KIRREL3: variants seen among roughly 807,000 people sequenced by gnomAD.
KIRREL3 encodes kin of IRRE-like protein 3.
KIRREL3 carries 36 observed loss-of-function variants against 89.7 expected under a neutral mutation model. That is an observed-to-expected ratio of 0.40 (90% CI 0.31 to 0.53). KIRREL3 has a LOEUF of 0.53. KIRREL3 is among the 20% of genes least tolerant of loss of function. KIRREL3 has a pLI of 0.49. For synonymous variants in KIRREL3, 445 were observed against 441.4 expected (o/e 1.01, Z -0.10); for missense variants, 864 against 1,056.6 (o/e 0.82, Z 2.53).
chr11:126,547,703 G>A (rs561724564), intron 2 of KIRREL3, among the ~76,000 whole-genome samples: 2 of 152,312 alleles, frequency 1.3e-5, no homozygotes, highest in East Asian at 1.9e-4. Flanking sequence ...GGCGGAGTGG[G>A]GGGTCTGTGG....
intron 1 of KIRREL3, among the ~76,000 whole-genome samples, chr11:126,593,010 G>A (rs1015844683): frequency 1.3e-5 from 2 of 152,186 alleles, no homozygotes; most frequent in Non-Finnish European, 2.9e-5. Context: ...CACGTTAGGA[G>A]GCTTGCACAA....
chr11:126,851,023 C>T (rs1944322629), intron 1 of KIRREL3, among the ~76,000 whole-genome samples: 1 of 152,220 alleles, frequency 6.6e-6, no homozygotes, highest in Non-Finnish European at 1.5e-5. Context: ...TTAATATGGT[C>T]AGCCCACCTG....
Position 126,991,155 on chromosome 11 carries a change from G to A in KIRREL3, c.55+9300C>T, listed in dbSNP as rs1163769017. Among the ~76,000 whole-genome samples, 2 of 152,182 alleles carry A rather than the reference G, an allele frequency of 1.3e-5. No individual in the cohort carries two copies. Among genetic ancestry groups the A allele is most frequent in the Non-Finnish European group, 2.9e-5 (2 of 68,042 alleles). ...CTTGGCAGAGGCTGTTTCTCTTGGC[G>A]TTGTCTCTGGTGACCCAAAGGGCAT... On this transcript the variant is annotated intron_variant, in intron 1 of 16. Transcript: ENST00000525144. This position sits in a 1 kb window ranked among gnomAD's most constrained non-coding sequence, Gnocchi z 5.8.
rs571002414 is a variant in KIRREL3, at chr11:126,771,653, A to G, written c.56-208741T>C. ...CCAGTGCTCCTCCTGATCTCTATCC[A>G]TGGGCAGTTAATAAATATTTGCTGA... On this transcript the variant is annotated intron_variant, in intron 1 of 16. Transcript: ENST00000525144. This position sits in a 1 kb window ranked among gnomAD's most constrained non-coding sequence, Gnocchi z 4.4. 2.0e-5 allele frequency among the ~76,000 whole-genome samples: 3 copies of G among 152,336 alleles called. No individual in the cohort carries two copies. In the East Asian group the frequency reaches 5.8e-4, roughly 29 times the overall value.
At chr11:126,500,797 A>G (rs1177631770) in intron 4 of KIRREL3, among the ~76,000 whole-genome samples, 1 of 151,914 alleles carries the variant, frequency 6.6e-6, no homozygotes, top group Non-Finnish European at 1.5e-5. Flanking sequence ...CTGCATTCTT[A>G]TTTTTTTCAG....
chr11:126,538,735 G>C (rs1938119673), intron 2 of KIRREL3, among the ~76,000 whole-genome samples: 1 of 152,168 alleles, frequency 6.6e-6, no homozygotes, highest in Non-Finnish European at 1.5e-5. Context: ...TGGTGCCTCA[G>C]GCATGAGCAG....
At chr11:126,809,377 G>A (rs1951308081) in intron 1 of KIRREL3, among the ~76,000 whole-genome samples, 1 of 152,170 alleles carries the variant, frequency 6.6e-6, no homozygotes, top group South Asian at 2.1e-4. Context: ...TAAGTACAAT[G>A]TATGTTGGGT....
Position 126,677,136 on chromosome 11 carries a change from C to T in KIRREL3, c.56-114224G>A, listed in dbSNP as rs886827083. Among the ~76,000 whole-genome samples the T allele has an allele frequency of 1.8e-4, 28 of 151,850 alleles. No homozygotes were observed. The highest frequency in any genetic ancestry group is 1.8e-3 in the Admixed American group (27 of 15,250). On this transcript the variant is annotated intron_variant, in intron 1 of 16. Coordinates refer to ENST00000525144, the MANE Select transcript of KIRREL3 (RefSeq NM_032531.4). This position sits in a 1 kb window ranked among gnomAD's most constrained non-coding sequence, Gnocchi z 5.1. The stretch of plus-strand genomic sequence containing the variant: ...ACAATTCAGTGATTTTTAATATATT[C>T]GCAGATTTGCACAACCACCACCACA...
rs1294483299 is a variant in KIRREL3 at position 126,754,385 on chromosome 11, CTA to C, written c.56-191475_56-191474del. ...ACGTACCTCTCTAACTTTACACTCT[CTA>C]TATGTCTGTCTCTGGTCTTCAATTC... On this transcript the variant is annotated intron_variant, in intron 1 of 16. Transcript: ENST00000525144. This position sits in a 1 kb window ranked among gnomAD's most constrained non-coding sequence, Gnocchi z 5.1. Among the ~76,000 whole-genome samples the C allele has an allele frequency of 2.6e-5, 4 of 152,212 alleles. No individual in the cohort carries two copies. Among genetic ancestry groups the C allele is most frequent in the Non-Finnish European group, 5.9e-5 (4 of 68,042 alleles).
Position 126,484,629 on chromosome 11 carries a change from TG to T in KIRREL3, c.434-11164del, listed in dbSNP as rs1227521843. On this transcript the variant is annotated intron_variant, in intron 4 of 16. Coordinates refer to ENST00000525144, the MANE Select transcript of KIRREL3 (RefSeq NM_032531.4). The surrounding 1 kb of genome is among the most constrained non-coding windows in gnomAD (Gnocchi z 5.2). The stretch of plus-strand genomic sequence containing the variant: ...TTTCAGATAAATTAAAAAATGGTAG[TG>T]TAAGTATGTTTATCTGAAATTCACA... 1.2e-4 allele frequency among the ~76,000 whole-genome samples: 18 copies of T among 152,124 alleles called. No individual in the cohort carries two copies. Among genetic ancestry groups the T allele is most frequent in the African/African-American group, 4.3e-4 (18 of 41,412 alleles).
intron 1 of KIRREL3, among the ~76,000 whole-genome samples, chr11:126,781,820 G>A (rs1210512370): frequency 1.3e-5 from 2 of 152,124 alleles, no homozygotes; most frequent in African/African-American, 4.8e-5. Flanking sequence ...TAAAAAAATT[G>A]AATATCATCA....
At position 126,475,979 on chromosome 11, in the gene KIRREL3, C is replaced by A. The variant is rs75950655; in HGVS notation, c.434-2513G>T. On this transcript the variant is annotated intron_variant, in intron 4 of 16. Transcript: ENST00000525144. This position sits in a 1 kb window ranked among gnomAD's most constrained non-coding sequence, Gnocchi z 7.5. ...GCCTGGAAAAAGAGCCACGTGGAGC[C>A]CTGGGGACAGCCTGGATACCTGGGG... 1.4e-3 allele frequency among the ~76,000 whole-genome samples: 215 copies of A among 152,284 alleles called. 3 individuals carry two copies. The highest frequency in any genetic ancestry group is 5.1e-3 in the African/African-American group (210 of 41,558).
At chr11:126,919,288 G>T (rs899232925) in intron 1 of KIRREL3, among the ~76,000 whole-genome samples, 6 of 152,078 alleles carry the variant, frequency 3.9e-5, no homozygotes, top group African/African-American at 7.2e-5. Flanking sequence ...AGCAAGCTGG[G>T]CCCCTTGGTT....
chr11:126,572,128 G>A (rs1253931897), intron 1 of KIRREL3, among the ~76,000 whole-genome samples: 1 of 152,180 alleles, frequency 6.6e-6, no homozygotes, highest in African/African-American at 2.4e-5. Flanking sequence ...GGGAGGCCAG[G>A]CAGGAAAAGG....
rs141602016 is a variant in KIRREL3 at position 126,762,310 on chromosome 11, A to C, written c.56-199398T>G. On this transcript the variant is annotated intron_variant, in intron 1 of 16. Transcript: ENST00000525144. Reference sequence around the variant, plus strand: ...TCTGAGGCAAGACCAATTGACTACAAAACCAGGTCAGGTTAGGTACCCAAG... The same window carrying C: ...TCTGAGGCAAGACCAATTGACTACACAACCAGGTCAGGTTAGGTACCCAAG... Among the ~76,000 whole-genome samples the C allele has an allele frequency of 1.5e-3, 222 of 152,284 alleles. 2 individuals are homozygous for C. The highest frequency in any genetic ancestry group is 5.1e-3 in the African/African-American group (211 of 41,554).
chr11:126,714,114 C>T lies in KIRREL3; in HGVS notation c.56-151202G>A, dbSNP rs1289818332. Among the ~76,000 whole-genome samples the T allele has an allele frequency of 3.9e-5, 6 of 152,138 alleles. No individual in the cohort carries two copies. The East Asian group carries it at 7.7e-4, about 20-fold the overall frequency. On this transcript the variant is annotated intron_variant, in intron 1 of 16. Coordinates refer to ENST00000525144, the MANE Select transcript of KIRREL3 (RefSeq NM_032531.4). The stretch of plus-strand genomic sequence containing the variant: ...TGCAATACTGAAGAAGACCCTCACT[C>T]CCAGGCTGGTGCACAAGCCACAGCC...
intron 1 of KIRREL3, among the ~76,000 whole-genome samples, chr11:126,958,895 C>T (rs1183059442): frequency 6.6e-6 from 1 of 152,158 alleles, no homozygotes; most frequent in Non-Finnish European, 1.5e-5. Context: ...TATTTGGTCA[C>T]ACATTATTCT....
At chr11:126,663,107 G>T (rs887494934) in intron 1 of KIRREL3, among the ~76,000 whole-genome samples, 1 of 151,286 alleles carries the variant, frequency 6.6e-6, no homozygotes, top group African/African-American at 2.4e-5. Flanking sequence ...CCACACGTGG[G>T]ACTGATGAGC....
chr11:126,534,943 C>T (rs554892998), intron 2 of KIRREL3, among the ~76,000 whole-genome samples: 64 of 152,118 alleles, frequency 4.2e-4, no homozygotes, highest in Non-Finnish European at 7.4e-4. Flanking sequence ...ACGTGGCGTC[C>T]CTGAGTCAGG....
Sources: allele counts gnomAD v4.1 joint callset (sites outside exome capture counted in the v4.1 genomes callset), GRCh38; gene constraint gnomAD v4.1.1; non-coding constraint Gnocchi (gnomAD v3.1); transcripts MANE v1.5; gene names NCBI Gene and HGNC (gene_info 2026-07-23, HGNC 2026-07-21).